DNAJC28: variants seen among roughly 807,000 people sequenced by gnomAD.
DNAJC28 encodes the protein dnaJ homolog subfamily C member 28.
A neutral mutation model predicts 33.3 loss-of-function variants in DNAJC28; 24 were observed. The ratio of observed to expected loss-of-function variants is 0.72; its 90% CI spans 0.52 to 1.01. DNAJC28 has a LOEUF of 1.01. DNAJC28 is among the 50% of genes least tolerant of loss of function. The probability of loss-of-function intolerance (pLI) is 0.00; values close to 1 mark genes in which losing one functional copy is unlikely to be tolerated. For missense variants in DNAJC28, 442 were observed against 455.2 expected, an observed-to-expected ratio of 0.97 and a Z score of 0.26; for synonymous variants, 120 against 147.2, an observed-to-expected ratio of 0.82 and a Z score of 1.34.
intron 1 of DNAJC28, 92 bp from the exon 2 acceptor site, chr21:33,489,516 T>G: frequency 1.6e-6 from 1 of 641,924 alleles, no homozygotes; most frequent in Non-Finnish European, 2.4e-6. Flanking sequence ...CAGCATGAAT[T>G]TATAAGTACA....
At chr21:33,489,852 G>A (rs1484224441) in intron 1 of DNAJC28, among the ~76,000 whole-genome samples, 6 of 144,922 alleles carry the variant, frequency 4.1e-5, no homozygotes, top group Non-Finnish European at 8.9e-5. Flanking sequence ...GGAGTGCAGT[G>A]GCACAATCGT....
At position 33,489,294 on chromosome 21, in the gene DNAJC28, T is replaced by G. The variant is rs1175515291; in HGVS notation, c.100A>C (p.Ile34Leu). ...NRVKMLPYFGIIRNRMMSTHK... is the reference protein window; with the variant it reads ...NRVKMLPYFGLIRNRMMSTHK... ...GTTGACATCATTCTATTTCTAATGA[T>G]ACCAAAATATGGAAGCATTTTCACT... Residue 34 changes from isoleucine (I) to leucine (L), a missense_variant, in exon 2 of 2, where the codon ATC (isoleucine) becomes CTC (leucine). Physicochemically the swap from Ile to Leu is conservative, Grantham distance 5 (BLOSUM62 2). Transcript: ENST00000381947. 6.3e-7 allele frequency: 1 copy of G among 1,598,926 alleles called. No individual in the cohort carries two copies. Among genetic ancestry groups the G allele is most frequent in the Non-Finnish European group, 8.5e-7 (1 of 1,175,518 alleles).
chr21:33,489,952 C>T (rs919173184), intron 1 of DNAJC28, among the ~76,000 whole-genome samples: 2 of 151,700 alleles, frequency 1.3e-5, no homozygotes, highest in East Asian at 3.9e-4. Flanking sequence ...CACCACCACA[C>T]CTGGCTAATT....
In DNAJC28 at chr21:33,489,056, C is replaced by T; in HGVS notation, c.338G>A (p.Ser113Asn). The change falls in exon 2 of 2, where the codon AGT becomes AAT. Residue 113 changes from serine to asparagine, a missense_variant. Coordinates refer to ENST00000381947, the MANE Select transcript of DNAJC28 (RefSeq NM_001040192.3). ...LSHVIEQTNA[S>N]QSKGEEEEDV... ...TTCTTCTTCTTCACCTTTACTCTGACTGGCATTTGTTTGTTCTATCACATG... is the reference window on the plus strand; with the variant it reads ...TTCTTCTTCTTCACCTTTACTCTGATTGGCATTTGTTTGTTCTATCACATG... 1 of 1,612,816 alleles carries T rather than the reference C, an allele frequency of 6.2e-7. No individual in the cohort carries two copies.
rs758965751 is a variant in DNAJC28 at position 33,488,509 on chromosome 21, A to G, written c.885T>C (p.His295=). ...TGTTTTCTTGAAACTGCTCACAAACATGGTTCCACTGTTTCTTTTCAGTTG... is the reference window on the plus strand; with the variant it reads ...TGTTTTCTTGAAACTGCTCACAAACGTGGTTCCACTGTTTCTTTTCAGTTG... ...MTPTEKKQWN[H]VCEQFQENIR... The change falls in exon 2 of 2, where the codon CAT becomes CAC. Residue 295 remains histidine, a synonymous_variant. Transcript: ENST00000381947. 3 of 1,611,914 alleles carry G rather than the reference A, an allele frequency of 1.9e-6. No homozygotes were observed. Among genetic ancestry groups the G allele is most frequent in the East Asian group, 2.2e-5 (1 of 44,868 alleles).
Position 33,489,383 on chromosome 21 carries a change from A to G in DNAJC28, c.11T>C (p.Met4Thr). 1.3e-6 allele frequency: 2 copies of G among 1,517,380 alleles called. No individual in the cohort carries two copies. The highest frequency in any genetic ancestry group is 1.8e-6 in the Non-Finnish European group (2 of 1,138,242). 94.0% of individuals were successfully genotyped at this position (1,517,380 alleles called of 1,614,324 possible). The change falls in exon 2 of 2, where the codon ATG becomes ACG. Residue 4 changes from methionine (M) to threonine (T), a missense_variant. Physicochemically the swap from Met to Thr is moderately conservative, Grantham distance 81 (BLOSUM62 -1). Transcript: ENST00000381947. ...TAAGATCTGAGCCATCATCACATAC[A>G]TTGTATTCATTATTGTACCCAGAGT... MNT[M>T]YVMMAQILRS...
chr21:33,488,566 C>T lies in DNAJC28; in HGVS notation c.828G>A (p.Val276=), dbSNP rs770955229. 10 of 1,613,388 alleles carry T rather than the reference C, an allele frequency of 6.2e-6. No individual in the cohort carries two copies. The highest frequency in any genetic ancestry group is 1.3e-5 in the African/African-American group (1 of 74,908). ...TIEQLREAIL[V]SRKKLGNPMT... The stretch of plus-strand genomic sequence containing the variant: ...TTGGATTCCCAAGTTTTTTCCTAGA[C>T]ACTAAAATTGCCTCTCTGAGTTGCT... Residue 276 remains valine, a synonymous_variant, in exon 2 of 2, where the codon GTG becomes GTA. Transcript: ENST00000381947.
chr21:33,488,867 C>T lies in DNAJC28; in HGVS notation c.527G>A (p.Ser176Asn). ...VMEYQKQKLQ[S>N]QYFPDSVIVK... ...AATTACACTATCAGGAAAATACTGG[C>T]TTTGTAGTTTCTGCTTTTGATATTC... Residue 176 changes from serine to asparagine, a missense_variant, in exon 2 of 2, where the codon AGC (serine) becomes AAC (asparagine). Transcript: ENST00000381947. The T allele has an allele frequency of 1.2e-6, 2 of 1,609,986 alleles. No homozygotes were observed. The highest frequency in any genetic ancestry group is 2.2e-5 in the South Asian group (2 of 89,874).
In DNAJC28 at chr21:33,488,721, T is replaced by C. The variant is rs1227217424; in HGVS notation, c.673A>G (p.Lys225Glu). 1.9e-6 allele frequency: 3 copies of C among 1,610,280 alleles called. No individual in the cohort carries two copies. The highest frequency in any genetic ancestry group is 8.5e-7 in the Non-Finnish European group (1 of 1,179,090). Residue 225 changes from lysine to glutamate, a missense_variant, in exon 2 of 2, where the codon AAA (lysine) becomes GAA (glutamate). Transcript: ENST00000381947. Reference protein sequence around the residue: ...GDFDNLSGKGKPLKKFSDCSY... With the variant: ...GDFDNLSGKGEPLKKFSDCSY... Reference sequence around the variant, plus strand: ...CAGTCAGAAAACTTTTTCAGAGGTTTTCCTTTCCCACTGAGATTGTCAAAG... The same window carrying C: ...CAGTCAGAAAACTTTTTCAGAGGTTCTCCTTTCCCACTGAGATTGTCAAAG...
Position 33,488,577 on chromosome 21 carries a change from C to A in DNAJC28, c.817G>T (p.Ala273Ser). 1 of 1,613,560 alleles carries A rather than the reference C, an allele frequency of 6.2e-7. No individual in the cohort carries two copies. The highest frequency in any genetic ancestry group is 8.5e-7 in the Non-Finnish European group (1 of 1,179,908). Reference protein sequence around the residue: ...ISDTIEQLREAILVSRKKLGN... With the variant: ...ISDTIEQLRESILVSRKKLGN... ...AGTTTTTTCCTAGACACTAAAATTG[C>A]CTCTCTGAGTTGCTCAATAGTATCG... Residue 273 changes from alanine to serine, a missense_variant, in exon 2 of 2, where the codon GCA becomes TCA. Coordinates refer to ENST00000381947, the MANE Select transcript of DNAJC28 (RefSeq NM_001040192.3).
At position 33,488,308 on chromosome 21, in the gene DNAJC28, T is replaced by G; in HGVS notation, c.1086A>C (p.Glu362Asp). 2 of 1,564,774 alleles carry G rather than the reference T, an allele frequency of 1.3e-6. No individual in the cohort carries two copies. Among genetic ancestry groups the G allele is most frequent in the Non-Finnish European group, 1.7e-6 (2 of 1,165,654 alleles). Residue 362 changes from glutamate to aspartate, a missense_variant, in exon 2 of 2, where the codon GAA (glutamate) becomes GAC (aspartate). Coordinates refer to ENST00000381947, the MANE Select transcript of DNAJC28 (RefSeq NM_001040192.3). ...DRNPNNLDQG[E>D]GEKTPEIKKG... ...TCTTGATTTCAGGTGTTTTCTCTCC[T>G]TCTCCTTGATCAAGGTTATTTGGGT...
chr21:33,489,990 G>A (rs909284618), intron 1 of DNAJC28, among the ~76,000 whole-genome samples: 5 of 150,578 alleles, frequency 3.3e-5, no homozygotes, highest in African/African-American at 7.3e-5. Flanking sequence ...ATGGGGTTTC[G>A]TCATGTTGCC....
chr21:33,488,318 T>G lies in DNAJC28; in HGVS notation c.1076A>C (p.Asp359Ala). The G allele has an allele frequency of 6.3e-7, 1 of 1,575,012 alleles. No homozygotes were observed. Among genetic ancestry groups the G allele is most frequent in the Non-Finnish European group, 8.6e-7 (1 of 1,169,012 alleles). Residue 359 changes from aspartate to alanine, a missense_variant, in exon 2 of 2, where the codon GAT becomes GCT. Asp to Ala is a moderately radical substitution (Grantham distance 126, BLOSUM62 -2). Coordinates refer to ENST00000381947, the MANE Select transcript of DNAJC28 (RefSeq NM_001040192.3). ...AGGTGTTTTCTCTCCTTCTCCTTGA[T>G]CAAGGTTATTTGGGTTTCTATCTGT... is the stretch of plus-strand genomic sequence containing the variant. ...EVTDRNPNNLDQGEGEKTPEI... is the reference protein window; with the variant it reads ...EVTDRNPNNLAQGEGEKTPEI...
In DNAJC28 at chr21:33,488,212, T is replaced by C; in HGVS notation, c.*15A>G. The stretch of plus-strand genomic sequence containing the variant: ...AAGTGTCAGTGGAACTAAGAATGAT[T>C]TATGATAGTAAACATCAAAATGATC... On this transcript the variant is annotated 3_prime_UTR_variant, in exon 2 of 2. Coordinates refer to ENST00000381947, the MANE Select transcript of DNAJC28 (RefSeq NM_001040192.3). 4.1e-6 allele frequency: 6 copies of C among 1,480,896 alleles called. No homozygotes were observed. Among genetic ancestry groups the C allele is most frequent in the Non-Finnish European group, 5.4e-6 (6 of 1,115,228 alleles). The allele number at this position is 1,480,896 out of a possible 1,614,324, so 91.7% of individuals were successfully genotyped here. A position where few individuals can be genotyped will look rare whatever the true frequency, so the allele number is the denominator to read the frequency against.
chr21:33,489,916 C>G (rs1317687520), intron 1 of DNAJC28, among the ~76,000 whole-genome samples: 1 of 151,144 alleles, frequency 6.6e-6, no homozygotes, highest in African/African-American at 2.4e-5. Context: ...ACCTCTGCCT[C>G]TCATGTTGCT....
chr21:33,488,551 AAGTTTTTTCCT>A lies in DNAJC28; in HGVS notation c.832_842del (p.Arg278TrpfsTer8). The A allele has an allele frequency of 6.2e-7, 1 of 1,613,202 alleles. No homozygotes were observed. The highest frequency in any genetic ancestry group is 1.1e-5 in the South Asian group (1 of 90,622). ...TTTCAGTTGGTGTCATTGGATTCCC[AAGTTTTTTCCT>A]AGACACTAAAATTGCCTCTCTGAGT... On this transcript the variant is annotated frameshift_variant, in exon 2 of 2. Transcript: ENST00000381947. LOFTEE classifies it high-confidence loss of function.
In DNAJC28 at chr21:33,489,190, C is replaced by T; in HGVS notation, c.204G>A (p.Arg68=). ...GCTTGGCAAGCTTATGAAAAGATTC[C>T]CTGACTTCATCTGCAGAGCATCCTT... ...VEEGCSADEV[R]ESFHKLAKQY... The change falls in exon 2 of 2, where the codon AGG becomes AGA. Residue 68 remains arginine (R), a synonymous_variant. Coordinates refer to ENST00000381947, the MANE Select transcript of DNAJC28 (RefSeq NM_001040192.3). The T allele has an allele frequency of 6.2e-7, 1 of 1,609,972 alleles. No homozygotes were observed. The highest frequency in any genetic ancestry group is 8.5e-7 in the Non-Finnish European group (1 of 1,178,832).
At position 33,488,179 on chromosome 21, in the gene DNAJC28, T is replaced by C; in HGVS notation, c.*48A>G. 7.3e-7 allele frequency: 1 copy of C among 1,374,110 alleles called. No individual in the cohort carries two copies. The highest frequency in any genetic ancestry group is 1.6e-5 in the South Asian group (1 of 63,724). The allele number at this position is 1,374,110 out of a possible 1,614,324, so 85.1% of individuals were successfully genotyped here. A position where few individuals can be genotyped will look rare whatever the true frequency, so the allele number is the denominator to read the frequency against. On this transcript the variant is annotated 3_prime_UTR_variant, in exon 2 of 2. Transcript: ENST00000381947. ...TGTATTATAGCAATAAATCTCATTT[T>C]CCATGTAAAGTGTCAGTGGAACTAA...
At position 33,489,259 on chromosome 21, in the gene DNAJC28, G is replaced by A; in HGVS notation, c.135C>T (p.Ser45=). 2 of 1,598,928 alleles carry A rather than the reference G, an allele frequency of 1.3e-6. No homozygotes were observed. Among genetic ancestry groups the A allele is most frequent in the Non-Finnish European group, 8.5e-7 (1 of 1,175,744 alleles). ...TATAATATTCTCTGATCTTCTTTTT[G>A]GATTTATGGGTTGACATCATTCTAT... ...IRNRMMSTHK[S]KKKIREYYRL... The change falls in exon 2 of 2, where the codon TCC becomes TCT. Residue 45 remains serine (S), a synonymous_variant. Transcript: ENST00000381947.
Sources: allele counts gnomAD v4.1 joint callset (sites outside exome capture counted in the v4.1 genomes callset), GRCh38; gene constraint gnomAD v4.1.1; transcripts MANE v1.5; gene names NCBI Gene and HGNC (gene_info 2026-07-23, HGNC 2026-07-21).